Variants in GNG7 observed in about 807,000 individuals in gnomAD.
GNG7 encodes guanine nucleotide-binding protein G(I)/G(S)/G(O) subunit gamma-7.
GNG7 carries 1 observed loss-of-function variant against 4.0 expected under a neutral mutation model. The ratio of observed to expected loss-of-function variants is 0.25; its 90% confidence interval spans 0.09 to 1.18. The LOEUF is 1.18. Among genes scored for constraint, GNG7 ranks in the 50% most tolerant of loss-of-function variants. GNG7 has a pLI of 0.50. For synonymous variants in GNG7, 34 were observed against 36.9 expected, an observed-to-expected ratio of 0.92 and a Z score of 0.29; for missense variants, 86 against 91.9, an observed-to-expected ratio of 0.94 and a Z score of 0.26.
intron 3 of GNG7, among the ~76,000 whole-genome samples, chr19:2,524,195 C>T (rs1277266468): frequency 6.6e-6 from 1 of 152,206 alleles, no homozygotes; most frequent in East Asian, 1.9e-4. Flanking sequence ...GGGCAGCCAC[C>T]GCCCGCAATT....
intron 2 of GNG7, chr19:2,642,469 G>A (rs1033203114): frequency 8.8e-5 from 29 of 327,690 alleles, no homozygotes; most frequent in Middle Eastern, 2.2e-3. Context: ...GGGCTCAAGC[G>A]ATCCTCCCAC....
rs921762025 is a variant in GNG7, at chr19:2,511,412, A to G, written c.*3610T>C. 2 of 152,336 alleles carry G rather than the reference A, an allele frequency of 1.3e-5. No homozygotes were observed. The highest frequency in any genetic ancestry group is 2.4e-5 in the African/African-American group (1 of 41,468). 9.4% of individuals were successfully genotyped at this position (152,336 alleles called of 1,614,324 possible). A position where few individuals can be genotyped will look rare whatever the true frequency, so the allele number is the denominator to read the frequency against. The stretch of plus-strand genomic sequence containing the variant: ...ACCACAGGCGGCGGCTGGAAACAGG[A>G]GACAGGTCTTTACGAAGGTTAGATG... On this transcript the variant is annotated 3_prime_UTR_variant, in exon 5 of 5. Transcript: ENST00000382159. This position sits in a 1 kb window ranked among gnomAD's most constrained non-coding sequence, Gnocchi z 6.3.
chr19:2,592,040 T>C (rs551653211), intron 2 of GNG7, among the ~76,000 whole-genome samples: 1 of 152,336 alleles, frequency 6.6e-6, no homozygotes, highest in South Asian at 2.1e-4. Context: ...ATTAACAGAA[T>C]TGTAAATGCC....
At chr19:2,602,761 A>G (rs1981240839) in intron 2 of GNG7, among the ~76,000 whole-genome samples, 1 of 149,406 alleles carries the variant, frequency 6.7e-6, no homozygotes, top group South Asian at 2.1e-4. Context: ...CCTCACCACC[A>G]CCCCTCCCTT....
chr19:2,652,629 A>T (rs552531384), intron 1 of GNG7, among the ~76,000 whole-genome samples: 1 of 151,794 alleles, frequency 6.6e-6, no homozygotes, highest in Non-Finnish European at 1.5e-5. Flanking sequence ...CAAAACAAAC[A>T]CACAATCAAA....
chr19:2,660,201 G>T (rs1437353235), intron 1 of GNG7, among the ~76,000 whole-genome samples: 3 of 152,164 alleles, frequency 2.0e-5, no homozygotes, highest in African/African-American at 7.2e-5. Flanking sequence ...TTCTGGAGAT[G>T]ATTAGCTTAT....
intron 2 of GNG7, among the ~76,000 whole-genome samples, chr19:2,585,923 C>A (rs983335713): frequency 7.2e-5 from 11 of 152,102 alleles, no homozygotes; most frequent in Non-Finnish European, 1.6e-4. Context: ...GATGGTCTCA[C>A]TCTCTTGACC....
At chr19:2,551,381 G>A (rs916582674) in intron 3 of GNG7, among the ~76,000 whole-genome samples, 9 of 152,204 alleles carry the variant, frequency 5.9e-5, no homozygotes, top group Admixed American at 1.3e-4. Flanking sequence ...CACTGTCTTC[G>A]TCGTCATCCT....
chr19:2,637,308 T>C (rs1174198066), intron 2 of GNG7, among the ~76,000 whole-genome samples: 2 of 150,700 alleles, frequency 1.3e-5, no homozygotes, highest in Non-Finnish European at 3.0e-5. Flanking sequence ...ACGGTGCTGG[T>C]TTTGTCATCA....
chr19:2,569,094 CAT>C lies in GNG7; in HGVS notation c.-77-13908_-77-13907del, dbSNP rs1248360834. 3.9e-5 allele frequency among the ~76,000 whole-genome samples: 6 copies of C among 151,940 alleles called. No homozygotes were observed. In the South Asian group the frequency reaches 6.2e-4, roughly 16 times the overall value. On this transcript the variant is annotated intron_variant, in intron 2 of 4. Coordinates refer to ENST00000382159, the MANE Select transcript of GNG7 (RefSeq NM_052847.3). The stretch of plus-strand genomic sequence containing the variant: ...ACACAAGCATGCAAGCACACACACA[CAT>C]ACACACAAATGCACACATGCATATA...
intron 1 of GNG7, among the ~76,000 whole-genome samples, chr19:2,691,209 A>T (rs1568286246): frequency 6.6e-6 from 1 of 152,180 alleles, no homozygotes; most frequent in Non-Finnish European, 1.5e-5. Flanking sequence ...ACCCAACTGT[A>T]TCTTTGTACT....
intron 2 of GNG7, among the ~76,000 whole-genome samples, chr19:2,576,526 TTTTTA>T (rs1341573203): frequency 2.0e-5 from 3 of 152,000 alleles, no homozygotes; most frequent in African/African-American, 4.8e-5. Flanking sequence ...AACTTGGTCT[TTTTTA>T]TTTTATTATG....
intron 1 of GNG7, among the ~76,000 whole-genome samples, chr19:2,685,628 G>A (rs907477386): frequency 1.3e-5 from 2 of 152,026 alleles, no homozygotes; most frequent in Non-Finnish European, 2.9e-5. Flanking sequence ...CTGTCTCAAA[G>A]TAAAGTAAGG....
chr19:2,525,419 C>T (rs935147640), intron 3 of GNG7, among the ~76,000 whole-genome samples: 3 of 152,222 alleles, frequency 2.0e-5, no homozygotes, highest in South Asian at 4.1e-4. Context: ...CTCATAGCCA[C>T]ACCCGAGTCT....
chr19:2,640,220 AAGAG>A (rs780095424), intron 2 of GNG7, among the ~76,000 whole-genome samples: 4 of 147,134 alleles, frequency 2.7e-5, no homozygotes, highest in Non-Finnish European at 6.0e-5. Flanking sequence ...AGGCGAGAGA[AAGAG>A]AGAGGGAGAA....
intron 2 of GNG7, chr19:2,643,217 C>CCA (rs1982564491): frequency 6.7e-6 from 3 of 450,346 alleles, no homozygotes; most frequent in Non-Finnish European, 1.3e-5. Context: ...CGGCCTTGCA[C>CCA]TGTCCGCACT....
chr19:2,559,696 T>G (rs1443024669), intron 2 of GNG7, among the ~76,000 whole-genome samples: 1 of 98,550 alleles, frequency 1.0e-5, no homozygotes, highest in African/African-American at 4.5e-5. Flanking sequence ...GCATTTTTAG[T>G]AGAGACAGGG....
In GNG7 at chr19:2,568,214, TAC is replaced by T. The variant is rs892507578; in HGVS notation, c.-77-13028_-77-13027del. On this transcript the variant is annotated intron_variant, in intron 2 of 4. Coordinates refer to ENST00000382159, the MANE Select transcript of GNG7 (RefSeq NM_052847.3). ...ATACACACACATATAGACATACACA[TAC>T]AGACATGCACACACGTGCACATACA... Among the ~76,000 whole-genome samples the T allele has an allele frequency of 1.8e-4, 24 of 131,808 alleles. 1 individual carries two copies. The highest frequency in any genetic ancestry group is 1.3e-3 in the Admixed American group (18 of 13,354). The allele number at this position is 131,808 out of a possible 152,430, so 86.5% of individuals were successfully genotyped here.
chr19:2,694,871 C>T (rs950146913), intron 1 of GNG7, among the ~76,000 whole-genome samples: 2 of 151,948 alleles, frequency 1.3e-5, no homozygotes, highest in South Asian at 4.2e-4. Flanking sequence ...AGGGACGCTG[C>T]TCGGCACCTC....
Sources: allele counts gnomAD v4.1 joint callset (sites outside exome capture counted in the v4.1 genomes callset), GRCh38; gene constraint gnomAD v4.1.1; non-coding constraint Gnocchi (gnomAD v3.1); transcripts MANE v1.5; gene names NCBI Gene and HGNC (gene_info 2026-07-23, HGNC 2026-07-21).